The following RUNX1 variants were observed in gnomAD, a reference collection of about 807,000 sequenced individuals.
RUNX1 encodes runt-related transcription factor 1.
RUNX1 carries 19 observed loss-of-function variants against 42.8 expected under a neutral mutation model. The observed-to-expected ratio is 0.44, with a 90% CI of 0.31 to 0.65. The LOEUF (loss-of-function observed/expected upper bound fraction) is 0.65. Ranked by LOEUF, RUNX1 falls within the 30% of genes least tolerant of loss-of-function variation. The pLI, the probability that RUNX1 is intolerant of heterozygous loss-of-function variation, is 0.07. For synonymous variants in RUNX1, 271 were observed against 289.4 expected (o/e 0.94, Z 0.64); for missense variants, 528 against 672.0 (o/e 0.79, Z 2.37).
At chr21:34,871,964 C>T (rs895352929) in intron 5 of RUNX1, among the ~76,000 whole-genome samples, 15 of 152,022 alleles carry the variant, frequency 9.9e-5, no homozygotes, top group Admixed American at 2.0e-4. Flanking sequence ...CTGCCTCAGC[C>T]TTCAGAGCAG....
intron 2 of RUNX1, among the ~76,000 whole-genome samples, chr21:34,958,751 G>A (rs1258610730): frequency 6.6e-6 from 1 of 151,522 alleles, no homozygotes. Flanking sequence ...ACATGCACAC[G>A]TATGTTTATT....
chr21:34,906,990 C>T (rs970248760), intron 2 of RUNX1, among the ~76,000 whole-genome samples: 1 of 152,188 alleles, frequency 6.6e-6, no homozygotes, highest in Non-Finnish European at 1.5e-5. Flanking sequence ...GGGAGCAGCC[C>T]CAATTCTCCC....
intron 2 of RUNX1, among the ~76,000 whole-genome samples, chr21:35,030,066 G>A (rs538599311): frequency 1.6e-4 from 24 of 152,278 alleles, no homozygotes; most frequent in African/African-American, 4.8e-4. Flanking sequence ...TGGTGAGGCC[G>A]GGTGCGGTGG....
intron 3 of RUNX1, chr21:34,887,794 A>AT (rs973738733): frequency 6.6e-6 from 7 of 1,063,262 alleles, no homozygotes; most frequent in African/African-American, 4.9e-5. Flanking sequence ...TACGCTGCAG[A>AT]TTTTTTTAAG....
chr21:34,810,439 G>A (rs1452947641), intron 7 of RUNX1, among the ~76,000 whole-genome samples: 1 of 152,192 alleles, frequency 6.6e-6, no homozygotes, highest in Non-Finnish European at 1.5e-5. Flanking sequence ...CATGAAATAT[G>A]GCTTAACATA....
intron 2 of RUNX1, among the ~76,000 whole-genome samples, chr21:34,949,139 T>G (rs2058588005): frequency 6.6e-6 from 1 of 152,156 alleles, no homozygotes; most frequent in Non-Finnish European, 1.5e-5. Context: ...GCCTGGAGAT[T>G]TGGAAGAAAG....
At chr21:35,010,643 A>C (rs2059119757) in intron 2 of RUNX1, among the ~76,000 whole-genome samples, 1 of 151,918 alleles carries the variant, frequency 6.6e-6, no homozygotes, top group Non-Finnish European at 1.5e-5. Context: ...ACACACACAC[A>C]CACACACACT....
chr21:34,910,779 ATTG>A (rs1297904776), intron 2 of RUNX1, among the ~76,000 whole-genome samples: 3 of 151,378 alleles, frequency 2.0e-5, no homozygotes, highest in African/African-American at 7.3e-5. Context: ...TCGTTATGTT[ATTG>A]TTGTTCTTTT....
At chr21:34,973,439 T>G (rs2058777132) in intron 2 of RUNX1, among the ~76,000 whole-genome samples, 1 of 152,220 alleles carries the variant, frequency 6.6e-6, no homozygotes, top group Non-Finnish European at 1.5e-5. Context: ...TCATCATGTG[T>G]GGGAAATTTT....
intron 5 of RUNX1, among the ~76,000 whole-genome samples, chr21:34,879,554 T>G (rs555735508): frequency 6.6e-6 from 1 of 152,192 alleles, no homozygotes; most frequent in Non-Finnish European, 1.5e-5. Context: ...TGTTGTTTGA[T>G]TGGTGCTTCC....
At chr21:34,961,934 C>T (rs1028572473) in intron 2 of RUNX1, among the ~76,000 whole-genome samples, 2 of 151,886 alleles carry the variant, frequency 1.3e-5, no homozygotes, top group African/African-American at 4.8e-5. Context: ...ACTCTGTCAC[C>T]GAGGCTGGAG....
At chr21:34,821,760 C>G (rs879240594) in intron 7 of RUNX1, 1 of 1,425,186 alleles carries the variant, frequency 7.0e-7, no homozygotes, top group Non-Finnish European at 9.5e-7. Context: ...TATAGAGCCG[C>G]GAATGCATTC....
chr21:34,936,050 G>A (rs74588630), intron 2 of RUNX1, among the ~76,000 whole-genome samples: 4 of 152,220 alleles, frequency 2.6e-5, no homozygotes, highest in Admixed American at 2.6e-4. Flanking sequence ...ACACTAAGAG[G>A]TGACTAACAT....
chr21:35,006,961 C>T (rs1417024346), intron 2 of RUNX1, among the ~76,000 whole-genome samples: 1 of 152,130 alleles, frequency 6.6e-6, no homozygotes, highest in Non-Finnish European at 1.5e-5. Context: ...CACTGTCACC[C>T]TCTCTAGGAG....
intron 5 of RUNX1, among the ~76,000 whole-genome samples, chr21:34,865,452 C>CAAG (rs1330177931): frequency 1.3e-5 from 2 of 152,194 alleles, no homozygotes; most frequent in Non-Finnish European, 2.9e-5. Context: ...GCTATGTAAA[C>CAAG]AAGCCAGGCC....
intron 6 of RUNX1, among the ~76,000 whole-genome samples, chr21:34,849,991 A>G (rs2057394409): frequency 6.6e-6 from 1 of 151,800 alleles, no homozygotes; most frequent in Non-Finnish European, 1.5e-5. Context: ...TCAAATTCTT[A>G]CTAATGCCTT....
At chr21:34,836,975 G>A (rs979947072) in intron 6 of RUNX1, among the ~76,000 whole-genome samples, 4 of 152,200 alleles carry the variant, frequency 2.6e-5, no homozygotes, top group African/African-American at 4.8e-5. Flanking sequence ...CAGGCACAAC[G>A]TGAGGTATTT....
At chr21:34,827,020 C>T (rs967111650) in intron 7 of RUNX1, among the ~76,000 whole-genome samples, 10 of 152,240 alleles carry the variant, frequency 6.6e-5, no homozygotes, top group African/African-American at 2.2e-4. Flanking sequence ...TCTAAATCTT[C>T]GTAGAGATTA....
intron 5 of RUNX1, among the ~76,000 whole-genome samples, chr21:34,874,407 C>T (rs1049058895): frequency 5.3e-5 from 8 of 150,946 alleles, no homozygotes; most frequent in African/African-American, 2.0e-4. Flanking sequence ...ATCAGGAGTT[C>T]AAGACCAGCC....
Sources: gnomAD v4.1 joint callset for allele counts (sites outside exome capture counted in the v4.1 genomes callset) on GRCh38, gnomAD v4.1.1 for gene constraint, MANE v1.5 for transcripts, NCBI Gene and HGNC (gene_info 2026-07-23, HGNC 2026-07-21) for gene names.